The following RO60 variants were observed in gnomAD, a reference collection of about 807,000 sequenced individuals.
The protein encoded by RO60 is Ro60, Y RNA binding protein.
In RO60, 20 loss-of-function variants were observed where a neutral mutation model predicts 55.3. The observed-to-expected ratio is 0.36, with a 90% CI of 0.25 to 0.53. The LOEUF (loss-of-function observed/expected upper bound fraction) is 0.53. RO60 is among the 20% of genes least tolerant of loss of function. RO60 has a pLI of 0.92. For missense variants in RO60, 558 were observed against 646.6 expected (o/e 0.86, Z 1.49); for synonymous variants, 213 against 213.6 (o/e 1.00, Z 0.02).
intron 1 of RO60, among the ~76,000 whole-genome samples, chr1:193,062,502 T>C (rs1435192452): frequency 6.6e-6 from 1 of 152,242 alleles, no homozygotes; most frequent in Non-Finnish European, 1.5e-5. Context: ...TTTATGTTTG[T>C]ATTTTTAATA....
rs1255272862 is a variant in RO60 at position 193,059,852 on chromosome 1, A to G, written c.-22+76A>G. On this transcript the variant is annotated intron_variant, in intron 1 of 8. Coordinates refer to ENST00000400968, the MANE Select transcript of RO60 (RefSeq NM_001173524.2). The surrounding 1 kb of genome is among the most constrained non-coding windows in gnomAD (Gnocchi z 4.9). ...ACGCGCAAATTCTGACCAGTCCTCCATGTCTCTCACCCGCATCCCAGGGGT... is the reference window on the plus strand; with the variant it reads ...ACGCGCAAATTCTGACCAGTCCTCCGTGTCTCTCACCCGCATCCCAGGGGT... 4 of 1,363,128 alleles carry G rather than the reference A, an allele frequency of 2.9e-6. No individual in the cohort carries two copies. Among genetic ancestry groups the G allele is most frequent in the South Asian group, 2.3e-5 (2 of 87,318 alleles). The allele number at this position is 1,363,128 out of a possible 1,614,324, so 84.4% of individuals were successfully genotyped here. A position where few individuals can be genotyped will look rare whatever the true frequency, so the allele number is the denominator to read the frequency against.
At chr1:193,071,992 T>C (rs1191542008) in intron 2 of RO60, among the ~76,000 whole-genome samples, 1 of 151,718 alleles carries the variant, frequency 6.6e-6, no homozygotes, top group Non-Finnish European at 1.5e-5. Context: ...TCAACAAATA[T>C]TTATTTATTT....
intron 3 of RO60, 152 bp from the exon 4 acceptor site, chr1:193,076,349 G>T: frequency 1.3e-6 from 1 of 764,476 alleles, no homozygotes; most frequent in South Asian, 2.3e-5. Context: ...TATTTGATAA[G>T]CCTTTTACTT....
chr1:193,076,002 A>C lies in RO60; in HGVS notation c.763A>C (p.Arg255=). The C allele has an allele frequency of 6.2e-7, 1 of 1,611,394 alleles. No individual in the cohort carries two copies. The highest frequency in any genetic ancestry group is 8.5e-7 in the Non-Finnish European group (1 of 1,179,038). The change falls in exon 3 of 9, where the codon AGA becomes CGA. Residue 255 remains arginine (R), a synonymous_variant. Transcript: ENST00000400968. ...IHLIEEHRLV[R]EHLLTNHLKS... Reference sequence around the variant, plus strand: ...TCTAATAGAAGAACATAGATTAGTTAGAGAACATCTTTTAACAAATCACTT... The same window carrying C: ...TCTAATAGAAGAACATAGATTAGTTCGAGAACATCTTTTAACAAATCACTT...
At chr1:193,072,462 C>G (rs912056126) in intron 2 of RO60, among the ~76,000 whole-genome samples, 2 of 141,100 alleles carry the variant, frequency 1.4e-5, no homozygotes, top group Non-Finnish European at 3.1e-5. Context: ...GGGGACATTT[C>G]TGGCACACTA....
rs551328607 is a variant in RO60 at position 193,075,813 on chromosome 1, G to T, written c.581-7G>T. On this transcript the variant is annotated splice_region_variant and splice_polypyrimidine_tract_variant and intron_variant, in intron 2 of 8. Coordinates refer to ENST00000400968, the MANE Select transcript of RO60 (RefSeq NM_001173524.2). The stretch of plus-strand genomic sequence containing the variant: ...GCATGCTTTTTCAATTCTTTATCTT[G>T]TTAAAGGACTTGCAATTGTGACCAA... 12 of 1,586,820 alleles carry T rather than the reference G, an allele frequency of 7.6e-6. No individual in the cohort carries two copies. The African/African-American group carries it at 1.2e-4, about 16-fold the overall frequency.
Position 193,069,230 on chromosome 1 carries a change from A to C in RO60, c.176A>C (p.Glu59Ala). 6.2e-7 allele frequency: 1 copy of C among 1,614,248 alleles called. No individual in the cohort carries two copies. Among genetic ancestry groups the C allele is most frequent in the East Asian group, 2.2e-5 (1 of 44,894 alleles). Reference protein sequence around the residue: ...KEQKLGLENAEALIRLIEDGR... With the variant: ...KEQKLGLENAAALIRLIEDGR... Reference sequence around the variant, plus strand: ...CAGAAGTTGGGCCTTGAAAATGCTGAAGCTTTAATTAGATTGATTGAAGAT... The same window carrying C: ...CAGAAGTTGGGCCTTGAAAATGCTGCAGCTTTAATTAGATTGATTGAAGAT... Residue 59 changes from glutamate (E) to alanine (A), a missense_variant, in exon 2 of 9, where the codon GAA (glutamate) becomes GCA (alanine). Physicochemically the swap from Glu to Ala is moderately radical, Grantham distance 107. Coordinates refer to ENST00000400968, the MANE Select transcript of RO60 (RefSeq NM_001173524.2).
At chr1:193,078,793 A>G (rs1158021338) in intron 5 of RO60, among the ~76,000 whole-genome samples, 1 of 152,206 alleles carries the variant, frequency 6.6e-6, no homozygotes, top group African/African-American at 2.4e-5. Context: ...TGACAATACT[A>G]TCCAAAGCAG....
chr1:193,082,712 AAACAAATTCT>A lies in RO60; in HGVS notation c.1464+7_1464+16del. The stretch of plus-strand genomic sequence containing the variant: ...TGCTCTGAGGGAGTATCGAAAGGTA[AAACAAATTCT>A]AATACGGTTCCTCACCCAAATAATA... On this transcript the variant is annotated splice_donor_5th_base_variant and intron_variant, in intron 8 of 8. Transcript: ENST00000400968. 6.2e-7 allele frequency: 1 copy of A among 1,605,712 alleles called. No individual in the cohort carries two copies. The highest frequency in any genetic ancestry group is 8.5e-7 in the Non-Finnish European group (1 of 1,176,816).
Position 193,088,768 on chromosome 1 carries a change from T to TA in RO60, c.*4039dup, listed in dbSNP as rs1674733006. 2 of 152,244 alleles carry TA rather than the reference T, an allele frequency of 1.3e-5. No homozygotes were observed. The highest frequency in any genetic ancestry group is 1.3e-4 in the Admixed American group (2 of 15,292). The allele number at this position is 152,244 out of a possible 1,614,324, so 9.4% of individuals were successfully genotyped here. A position where few individuals can be genotyped will look rare whatever the true frequency, so the allele number is the denominator to read the frequency against. ...GAATTTGTAAAAAAAAATGACAGGT[T>TA]AATCAATGAAATTAGTTGTATTTAC... On this transcript the variant is annotated 3_prime_UTR_variant, in exon 9 of 9. Transcript: ENST00000400968.
intron 2 of RO60, among the ~76,000 whole-genome samples, chr1:193,071,671 A>C (rs1673512179): frequency 6.6e-6 from 1 of 151,342 alleles, no homozygotes; most frequent in Admixed American, 6.6e-5. Context: ...CAGTAGAATC[A>C]TGAAAGATTC....
In RO60 at chr1:193,084,964, C is replaced by T. The variant is rs1674556735; in HGVS notation, c.*233C>T. ...TTCAGGATACTGTAGTTTCCTCTAT[C>T]TAATAGAGAACTTTTTGTTAACAGA... On this transcript the variant is annotated 3_prime_UTR_variant, in exon 9 of 9. Transcript: ENST00000400968. 6.5e-6 allele frequency: 10 copies of T among 1,544,108 alleles called. No individual in the cohort carries two copies. In the East Asian group the frequency reaches 2.4e-4, roughly 38 times the overall value.
Position 193,059,980 on chromosome 1 carries a change from C to T in RO60, c.-22+204C>T. On this transcript the variant is annotated intron_variant, in intron 1 of 8. Transcript: ENST00000400968. The surrounding 1 kb of genome is among the most constrained non-coding windows in gnomAD (Gnocchi z 4.9). ...CAGCATCGCGGTAGGGACATCCTCG[C>T]TAGGCCCGGCCGGACCATTCCTCAG... 7.3e-7 allele frequency: 1 copy of T among 1,366,336 alleles called. No homozygotes were observed. Among genetic ancestry groups the T allele is most frequent in the Non-Finnish European group, 9.8e-7 (1 of 1,021,752 alleles). 84.6% of individuals were successfully genotyped at this position (1,366,336 alleles called of 1,614,324 possible). A position where few individuals can be genotyped will look rare whatever the true frequency, so the allele number is the denominator to read the frequency against.
chr1:193,065,565 A>G (rs1673047053), intron 1 of RO60, among the ~76,000 whole-genome samples: 2 of 152,242 alleles, frequency 1.3e-5, no homozygotes, highest in South Asian at 4.1e-4. Context: ...TAAAGATCAG[A>G]AAAACATAAC....
At chr1:193,061,823 A>C (rs891572297) in intron 1 of RO60, among the ~76,000 whole-genome samples, 3 of 152,138 alleles carry the variant, frequency 2.0e-5, no homozygotes, top group African/African-American at 7.2e-5. Context: ...TCTCTACTAA[A>C]CATACAAAAA....
In RO60 at chr1:193,059,875, GGT is replaced by G. The variant is rs1177632979; in HGVS notation, c.-22+100_-22+101del. On this transcript the variant is annotated intron_variant, in intron 1 of 8. Transcript: ENST00000400968. This position sits in a 1 kb window ranked among gnomAD's most constrained non-coding sequence, Gnocchi z 4.9. Reference sequence around the variant, plus strand: ...CCATGTCTCTCACCCGCATCCCAGGGGTTGAGGCTGGGCAAACGCCGCGAAAC... The same window carrying G: ...CCATGTCTCTCACCCGCATCCCAGGGTGAGGCTGGGCAAACGCCGCGAAAC... The G allele has an allele frequency of 2.9e-6, 4 of 1,364,830 alleles. No homozygotes were observed. Among genetic ancestry groups the G allele is most frequent in the Non-Finnish European group, 3.9e-6 (4 of 1,021,214 alleles). 84.5% of individuals were successfully genotyped at this position (1,364,830 alleles called of 1,614,324 possible).
intron 5 of RO60, 69 bp from the exon 6 acceptor site, chr1:193,081,295 A>G (rs748003828): frequency 4.9e-5 from 42 of 862,150 alleles, no homozygotes; most frequent in Admixed American, 8.0e-5. Flanking sequence ...ATAAGTAAAT[A>G]TGATTTAGAA....
intron 1 of RO60, among the ~76,000 whole-genome samples, chr1:193,062,993 C>A (rs1481202530): frequency 2.0e-5 from 3 of 152,154 alleles, no homozygotes; most frequent in Non-Finnish European, 4.4e-5. Flanking sequence ...TTGATAAAAA[C>A]ATCTGGATAC....
intron 8 of RO60, among the ~76,000 whole-genome samples, chr1:193,082,957 A>G (rs1452941896): frequency 1.3e-5 from 2 of 151,912 alleles, no homozygotes; most frequent in Admixed American, 6.6e-5. Flanking sequence ...GGGTTTCACC[A>G]TGTTGCCCAG....
Sources: allele counts gnomAD v4.1 joint callset (sites outside exome capture counted in the v4.1 genomes callset), GRCh38; gene constraint gnomAD v4.1.1; non-coding constraint Gnocchi (gnomAD v3.1); transcripts MANE v1.5; gene names NCBI Gene and HGNC (gene_info 2026-07-23, HGNC 2026-07-21).